Variants in SHTN1 observed in about 807,000 individuals in gnomAD.
SHTN1 encodes shootin-1.
Under a neutral mutation model 83.1 loss-of-function variants are expected in SHTN1, and 42 were observed. That is an observed-to-expected ratio of 0.51 (90% CI 0.39 to 0.65). SHTN1 has a LOEUF of 0.65. Among genes scored for constraint, SHTN1 ranks in the 30% least tolerant of loss-of-function variants. The pLI, the probability that SHTN1 is intolerant of heterozygous loss-of-function variation, is 0.00. For missense variants in SHTN1, 622 were observed against 737.8 expected (o/e 0.84, Z 1.82); for synonymous variants, 224 against 247.7 (o/e 0.90, Z 0.90).
chr10:117,110,444 C>T (rs1175935025), intron 1 of SHTN1, among the ~76,000 whole-genome samples: 8 of 152,124 alleles, frequency 5.3e-5, no homozygotes, highest in African/African-American at 1.4e-4. Context: ...CTCTGCCTCC[C>T]GGGTTTGAGA....
chr10:116,983,489 G>A (rs906348772), intron 1 of SHTN1, among the ~76,000 whole-genome samples: 3 of 152,098 alleles, frequency 2.0e-5, no homozygotes, highest in Non-Finnish European at 4.4e-5. Flanking sequence ...AGGTGGCAAA[G>A]AAGTAAAAGC....
intron 1 of SHTN1, among the ~76,000 whole-genome samples, chr10:117,074,827 G>A (rs906466742): frequency 2.6e-5 from 4 of 152,082 alleles, no homozygotes; most frequent in African/African-American, 7.2e-5. Flanking sequence ...CTGCCCTCCC[G>A]TGTCTGTAGG....
intron 2 of SHTN1, among the ~76,000 whole-genome samples, chr10:117,029,666 T>C (rs531714145): frequency 2.4e-4 from 36 of 152,112 alleles, no homozygotes; most frequent in Non-Finnish European, 5.1e-4. Flanking sequence ...TAAAAGTATG[T>C]GGCACCTCCC....
chr10:117,055,050 T>C (rs1173656550), intron 1 of SHTN1, among the ~76,000 whole-genome samples: 1 of 152,112 alleles, frequency 6.6e-6, no homozygotes, highest in Admixed American at 6.6e-5. Context: ...CTTAAAATCA[T>C]GGCAGAAGAT....
At chr10:116,983,686 A>AG (rs1851123903) in intron 1 of SHTN1, among the ~76,000 whole-genome samples, 150 of 13,208 alleles carry the variant, frequency 0.011, no homozygotes, top group East Asian at 0.098. Context: ...ATAGATAGAT[A>AG]AATACATACA....
In SHTN1 at chr10:116,881,591, G is replaced by A. The variant is rs746639233; in HGVS notation, c.*4753C>T. The A allele has an allele frequency of 8.5e-5, 131 of 1,550,208 alleles. No individual in the cohort carries two copies. Among genetic ancestry groups the A allele is most frequent in the East Asian group, 2.0e-4 (8 of 40,908 alleles). On this transcript the variant is annotated 3_prime_UTR_variant, in exon 17 of 17. Coordinates refer to ENST00000355371, the MANE Select transcript of SHTN1 (RefSeq NM_001127211.3). Reference sequence around the variant, plus strand: ...CTGCGGAGGCACTTGAGGCTGCTGCGGCTAGGGAGCCGCTGGTGCCCACCT... The same window carrying A: ...CTGCGGAGGCACTTGAGGCTGCTGCAGCTAGGGAGCCGCTGGTGCCCACCT...
At chr10:116,906,333 A>G (rs1442227286) in intron 15 of SHTN1, among the ~76,000 whole-genome samples, 2 of 152,206 alleles carry the variant, frequency 1.3e-5, no homozygotes, top group East Asian at 1.9e-4. Context: ...TTGATGCTAT[A>G]TTGTTGCCGA....
chr10:116,970,055 G>A (rs958005070), intron 2 of SHTN1, among the ~76,000 whole-genome samples: 1 of 152,058 alleles, frequency 6.6e-6, no homozygotes, highest in Non-Finnish European at 1.5e-5. Flanking sequence ...ATTTTCAATA[G>A]CTAAAAAATT....
intron 11 of SHTN1, among the ~76,000 whole-genome samples, chr10:116,927,348 A>T (rs966757040): frequency 1.3e-5 from 2 of 152,212 alleles, no homozygotes; most frequent in Non-Finnish European, 1.5e-5. Context: ...CTGCTAATAA[A>T]GATATACCCG....
At chr10:116,945,926 C>T (rs1039920015) in intron 7 of SHTN1, among the ~76,000 whole-genome samples, 2 of 152,158 alleles carry the variant, frequency 1.3e-5, no homozygotes, top group Admixed American at 6.5e-5. Flanking sequence ...CTATGCCTGT[C>T]CACATGCATG....
intron 2 of SHTN1, among the ~76,000 whole-genome samples, chr10:117,015,622 T>C (rs1852170886): frequency 6.6e-6 from 1 of 152,168 alleles, no homozygotes; most frequent in African/African-American, 2.4e-5. Context: ...TGAGCCACCG[T>C]GCCCGGCCTG....
intron 16 of SHTN1, among the ~76,000 whole-genome samples, chr10:116,898,660 CTAT>C (rs1387013288): frequency 6.6e-6 from 1 of 152,078 alleles, no homozygotes; most frequent in Non-Finnish European, 1.5e-5. Context: ...CATTTTGTAG[CTAT>C]TATTAAAATA....
At chr10:116,976,684 A>C (rs1395336058) in intron 2 of SHTN1, among the ~76,000 whole-genome samples, 1 of 152,182 alleles carries the variant, frequency 6.6e-6, no homozygotes. Context: ...GCTTTTACTC[A>C]TTCTACACTC....
chr10:116,899,522 TGTGTGTGTGTGTGTGTGTGTGTGTGAGA>T (rs1179440501), intron 16 of SHTN1, among the ~76,000 whole-genome samples: 122 of 84,976 alleles, frequency 1.4e-3, no homozygotes, highest in Non-Finnish European at 2.0e-3. Flanking sequence ...TGTGTGTGTG[TGTGTGTGTGTGTGTGTGTGTGTGTGAGA>T]GAGTGCATGC....
intron 11 of SHTN1, among the ~76,000 whole-genome samples, chr10:116,924,744 C>CTTTTTTTTTTTTTTTTTTT (rs1564879304): frequency 7.5e-6 from 1 of 133,668 alleles, no homozygotes; most frequent in African/African-American, 2.9e-5. Context: ...GAATTTTCAC[C>CTTTTTTTTTTTTTTTTTTT]TATTTTTTTT....
intron 1 of SHTN1, among the ~76,000 whole-genome samples, chr10:116,990,287 C>CTTTTTTTTTTTT (rs11399364): frequency 1.1e-3 from 134 of 119,708 alleles, no homozygotes; most frequent in East Asian, 1.7e-3. Flanking sequence ...TTTTTTCTTT[C>CTTTTTTTTTTTT]TTTTTTTTTT....
chr10:117,009,223 T>C (rs1387637946), upstream of SHTN1, among the ~76,000 whole-genome samples: 1 of 151,956 alleles, frequency 6.6e-6, no homozygotes, highest in African/African-American at 2.4e-5. Flanking sequence ...AAACTAAGTA[T>C]AAAATAAGGC....
rs1039588292 is a variant in SHTN1, at chr10:116,948,988, C to T, written c.544G>A (p.Val182Ile). The T allele has an allele frequency of 7.1e-6, 11 of 1,553,692 alleles. No homozygotes were observed. Among genetic ancestry groups the T allele is most frequent in the East Asian group, 2.3e-5 (1 of 43,388 alleles). ...LVEVIEEVNK[V>I]KQEKTVLNSE... ...TTTAAAACAGTCTTTTCTTGTTTAA[C>T]TTTATTTACCTAAAAATGTGAAATT... The change falls in exon 7 of 17, where the codon GTT (valine) becomes ATT (isoleucine). Residue 182 changes from valine (V) to isoleucine (I), a missense_variant. Transcript: ENST00000355371.
intron 10 of SHTN1, 65 bp from the exon 11 acceptor site, chr10:116,927,956 G>GA: frequency 5.2e-6 from 8 of 1,540,678 alleles, no homozygotes; most frequent in East Asian, 2.4e-5. Flanking sequence ...TTATACATGT[G>GA]AAAAAAAGAA....
Sources: allele counts gnomAD v4.1 joint callset (sites outside exome capture counted in the v4.1 genomes callset), GRCh38; gene constraint gnomAD v4.1.1; transcripts MANE v1.5; gene names NCBI Gene and HGNC (gene_info 2026-07-23, HGNC 2026-07-21).